The following SNRPD2 variants were observed in gnomAD, a reference collection of about 807,000 sequenced individuals.
The protein encoded by SNRPD2 is small nuclear ribonucleoprotein Sm D2.
A neutral mutation model predicts 11.5 loss-of-function variants in SNRPD2; 1 was observed. The observed-to-expected ratio is 0.09, with a 90% CI of 0.03 to 0.41. The LOEUF is 0.41. Ranked by LOEUF, SNRPD2 falls within the 10% of genes least tolerant of loss-of-function variation. The pLI is 0.98. For missense variants in SNRPD2, 77 were observed against 154.9 expected, an observed-to-expected ratio of 0.50 and a Z score of 2.67; for synonymous variants, 63 against 61.5, an observed-to-expected ratio of 1.02 and a Z score of -0.12.
intron 1 of SNRPD2, chr19:45,689,210 T>G (rs1306318556): frequency 1.9e-6 from 1 of 520,048 alleles, no homozygotes; most frequent in African/African-American, 1.9e-5. Context: ...ACATGAAATC[T>G]GTAGGAAATG....
In SNRPD2 at chr19:45,688,332, G is replaced by C. The variant is rs1369843622; in HGVS notation, c.182+55C>G. The C allele has an allele frequency of 1.3e-6, 2 of 1,483,012 alleles. No homozygotes were observed. Among genetic ancestry groups the C allele is most frequent in the East Asian group, 2.3e-5 (1 of 44,188 alleles). 91.9% of individuals were successfully genotyped at this position (1,483,012 alleles called of 1,614,324 possible). ...CTGTCTTTGAGCTCTTCAGACTGGA[G>C]CTGGAGTGGCCTCTCCAGGCCTGCG... On this transcript the variant is annotated intron_variant, in intron 2 of 2. Transcript: ENST00000342669. This position sits in a 1 kb window ranked among gnomAD's most constrained non-coding sequence, Gnocchi z 4.1.
At chr19:45,692,293 C>A, upstream of SNRPD2, 1 of 367,934 alleles carries the variant, frequency 2.7e-6, no homozygotes, top group East Asian at 5.5e-5. Flanking sequence ...AGACAGGCAC[C>A]GCCCCTCTTC....
At chr19:45,690,254 C>G (rs375586683) in intron 1 of SNRPD2, among the ~76,000 whole-genome samples, 17 of 147,996 alleles carry the variant, frequency 1.1e-4, no homozygotes, top group Non-Finnish European at 2.5e-4. Context: ...TGGCGTGAAC[C>G]CCAGGGGGCG....
At position 45,688,926 on chromosome 19, in the gene SNRPD2, G is replaced by T. The variant is rs1290178752; in HGVS notation, c.3-360C>A. Reference sequence around the variant, plus strand: ...AATTTTTGTATTTTAGTAAACAGGGGGTTTCACCATGTTGGCCAGGATGGT... The same window carrying T: ...AATTTTTGTATTTTAGTAAACAGGGTGTTTCACCATGTTGGCCAGGATGGT... On this transcript the variant is annotated intron_variant, in intron 1 of 2. Transcript: ENST00000342669. The surrounding 1 kb of genome is among the most constrained non-coding windows in gnomAD (Gnocchi z 4.1). Among the ~76,000 whole-genome samples the T allele has an allele frequency of 6.6e-6, 1 of 151,936 alleles. No homozygotes were observed. The highest frequency in any genetic ancestry group is 1.5e-5 in the Non-Finnish European group (1 of 67,956).
intron 1 of SNRPD2, chr19:45,689,355 A>G (rs1967482610): frequency 2.0e-6 from 1 of 504,740 alleles, no homozygotes; most frequent in African/African-American, 1.9e-5. Context: ...AACCTAAATC[A>G]TAACATGTCA....
Position 45,688,509 on chromosome 19 carries a change from C to T in SNRPD2, c.60G>A (p.Glu20=), listed in dbSNP as rs773871633. 3.1e-6 allele frequency: 5 copies of T among 1,614,120 alleles called. No homozygotes were observed. The Admixed American group carries it at 6.7e-5, about 22-fold the overall frequency. ...GTGGACCGGTGTTAAATTCCTCCTC[C>T]TCTCGCTTCTGCAGCTCCTCTGGGG... is the stretch of plus-strand genomic sequence containing the variant. ...EMTPEELQKR[E]EEEFNTGPLS... Residue 20 remains glutamate (E), a synonymous_variant, in exon 2 of 3, where the codon GAG becomes GAA. Transcript: ENST00000342669. The surrounding 1 kb of genome is among the most constrained non-coding windows in gnomAD (Gnocchi z 4.1).
Position 45,691,941 on chromosome 19 carries a change from T to C in SNRPD2, c.-53A>G. On this transcript the variant is annotated 5_prime_UTR_variant, in exon 1 of 3. Coordinates refer to ENST00000342669, the MANE Select transcript of SNRPD2 (RefSeq NM_001384647.1). ...CCGTTTCCTCCGCGTTGCTGCTGCCTGAGGAGAGAGAGGCGGGACTTCCTC... is the reference window on the plus strand; with the variant it reads ...CCGTTTCCTCCGCGTTGCTGCTGCCCGAGGAGAGAGAGGCGGGACTTCCTC... 4 of 1,613,996 alleles carry C rather than the reference T, an allele frequency of 2.5e-6. No homozygotes were observed. The South Asian group carries it at 3.3e-5, about 13-fold the overall frequency.
In SNRPD2 at chr19:45,691,907, C is replaced by A. The variant is rs767628139; in HGVS notation, c.-19G>T. 2 of 1,614,150 alleles carry A rather than the reference C, an allele frequency of 1.2e-6. No individual in the cohort carries two copies. Among genetic ancestry groups the A allele is most frequent in the Non-Finnish European group, 8.5e-7 (1 of 1,179,988 alleles). ...CTCACATGATGGTCACTACGCTCTC[C>A]GTTCACTCCCGTTTCCTCCGCGTTG... On this transcript the variant is annotated 5_prime_UTR_variant, in exon 1 of 3. Coordinates refer to ENST00000342669, the MANE Select transcript of SNRPD2 (RefSeq NM_001384647.1).
chr19:45,691,792 T>G lies in SNRPD2; in HGVS notation c.2+95A>C, dbSNP rs1314806352. The G allele has an allele frequency of 4.9e-6, 7 of 1,426,228 alleles. No homozygotes were observed. In the Admixed American group the frequency reaches 1.2e-4, roughly 25 times the overall value. The allele number at this position is 1,426,228 out of a possible 1,614,324, so 88.3% of individuals were successfully genotyped here. ...GCTGCATCCCTAAAACATCTGCCCC[T>G]GCCCCCCCCGCTCTGCTCAACCCTT... On this transcript the variant is annotated intron_variant, in intron 1 of 2. Transcript: ENST00000342669.
At position 45,691,833 on chromosome 19, in the gene SNRPD2, T is replaced by C. The variant is rs1334991380; in HGVS notation, c.2+54A>G. 5.6e-6 allele frequency: 9 copies of C among 1,599,806 alleles called. No homozygotes were observed. The African/African-American group carries it at 1.2e-4, about 21-fold the overall frequency. On this transcript the variant is annotated intron_variant, in intron 1 of 2. Transcript: ENST00000342669. ...CTCAACCCTTCCCACACTCAATCGGTCAAATATCCACCCTCAACCTCATTC... is the reference window on the plus strand; with the variant it reads ...CTCAACCCTTCCCACACTCAATCGGCCAAATATCCACCCTCAACCTCATTC...
chr19:45,688,686 T>C lies in SNRPD2; in HGVS notation c.3-120A>G. ...CTCCCCAACCTTGTCCCACCACATCTGTCCTCCTGTTCAGCCTTCTGAGTA... is the reference window on the plus strand; with the variant it reads ...CTCCCCAACCTTGTCCCACCACATCCGTCCTCCTGTTCAGCCTTCTGAGTA... On this transcript the variant is annotated intron_variant, in intron 1 of 2. Transcript: ENST00000342669. This position sits in a 1 kb window ranked among gnomAD's most constrained non-coding sequence, Gnocchi z 4.1. 2 of 725,574 alleles carry C rather than the reference T, an allele frequency of 2.8e-6. No homozygotes were observed. The highest frequency in any genetic ancestry group is 4.8e-6 in the Non-Finnish European group (2 of 417,580). 44.9% of individuals were successfully genotyped at this position (725,574 alleles called of 1,614,324 possible). A position where few individuals can be genotyped will look rare whatever the true frequency, so the allele number is the denominator to read the frequency against.
chr19:45,691,535 AAT>A (rs1491277790), intron 1 of SNRPD2: 2 of 232,614 alleles, frequency 8.6e-6, no homozygotes, highest in Non-Finnish European at 1.6e-5. Flanking sequence ...TTCATAATTA[AAT>A]TTTTTTTTTT....
upstream of SNRPD2, chr19:45,692,008 C>G: frequency 1.9e-6 from 3 of 1,608,812 alleles, no homozygotes; most frequent in Non-Finnish European, 2.5e-6. Context: ...CAAAGCCAAC[C>G]AGTAAGTGGA....
upstream of SNRPD2, chr19:45,692,234 T>C (rs1400245645): frequency 2.5e-6 from 1 of 392,196 alleles, no homozygotes; most frequent in African/African-American, 2.0e-5. Flanking sequence ...CCGCCGGCCG[T>C]GACTTCGGGG....
At chr19:45,692,304 C>T (rs1967582379), upstream of SNRPD2, 3 of 367,218 alleles carry the variant, frequency 8.2e-6, no homozygotes, top group African/African-American at 4.1e-5. Flanking sequence ...GCCCCTCTTC[C>T]CTCTGGGACG....
intron 1 of SNRPD2, chr19:45,691,542 T>TG (rs1967552474): frequency 3.9e-6 from 1 of 257,176 alleles, no homozygotes; most frequent in South Asian, 7.1e-5. Flanking sequence ...TTAAATTTTT[T>TG]TTTTTTTTTG....
Position 45,687,812 on chromosome 19 carries a change from C to A in SNRPD2, c.183-85G>T. On this transcript the variant is annotated intron_variant, in intron 2 of 2. Coordinates refer to ENST00000342669, the MANE Select transcript of SNRPD2 (RefSeq NM_001384647.1). This position sits in a 1 kb window ranked among gnomAD's most constrained non-coding sequence, Gnocchi z 4.1. ...CCTACTGCCTGCTGCTCGCCCCCTC[C>A]AGCAGCATGGCTTGGGGAAGGGTGC... 2.7e-6 allele frequency: 3 copies of A among 1,121,852 alleles called. No homozygotes were observed. The highest frequency in any genetic ancestry group is 2.6e-6 in the Non-Finnish European group (2 of 758,628). 69.5% of individuals were successfully genotyped at this position (1,121,852 alleles called of 1,614,324 possible).
upstream of SNRPD2, chr19:45,692,047 A>G: frequency 6.3e-7 from 1 of 1,576,730 alleles, no homozygotes; most frequent in Non-Finnish European, 8.6e-7. Flanking sequence ...AGCATTCCCC[A>G]CCAACGGTGC....
At chr19:45,691,979 A>G (rs1600334295), upstream of SNRPD2, 2 of 1,612,296 alleles carry the variant, frequency 1.2e-6, no homozygotes, top group Admixed American at 1.7e-5. Context: ...CCTGCGACCC[A>G]CTTCCGTTGG....
Sources: gnomAD v4.1 joint callset for allele counts (sites outside exome capture counted in the v4.1 genomes callset) on GRCh38, gnomAD v4.1.1 for gene constraint, Gnocchi (gnomAD v3.1) non-coding constraint, MANE v1.5 for transcripts, NCBI Gene and HGNC (gene_info 2026-07-23, HGNC 2026-07-21) for gene names.